UGT2A3: variants seen among roughly 807,000 people sequenced by gnomAD.
The protein encoded by UGT2A3 is UDP glucuronosyltransferase family 2 member A3.
In UGT2A3, 55 loss-of-function variants were observed where a neutral mutation model predicts 44.1. That is an observed-to-expected ratio of 1.25 (90% CI 1.00 to 1.56). The LOEUF (loss-of-function observed/expected upper bound fraction) is 1.56, where lower values mean the gene tolerates loss of function less well. Among genes scored for constraint, UGT2A3 ranks in the 40% most tolerant of loss-of-function variants. The pLI, the probability that UGT2A3 is intolerant of heterozygous loss-of-function variation, is 0.00. For missense variants in UGT2A3, 733 were observed against 621.6 expected (o/e 1.18, Z -1.91); for synonymous variants, 243 against 215.1 (o/e 1.13, Z -1.13).
At position 68,930,011 on chromosome 4, in the gene UGT2A3, G is replaced by T. The variant is rs755442651; in HGVS notation, c.1386C>A (p.Ile462=). Residue 462 remains isoleucine (I), a synonymous_variant, in exon 6 of 6, where the codon ATC becomes ATA. Coordinates refer to ENST00000251566, the MANE Select transcript of UGT2A3 (RefSeq NM_024743.4). ...CTCCTTTGTGGCGCATGACAAACTC[G>T]ATCCAGAAGACTGCTCGATCTAGGG... ...VKPLDRAVFW[I]EFVMRHKGAK... 6.2e-7 allele frequency: 1 copy of T among 1,613,596 alleles called. No homozygotes were observed. The highest frequency in any genetic ancestry group is 8.5e-7 in the Non-Finnish European group (1 of 1,179,672).
chr4:68,947,676 A>G (rs1272404204), intron 1 of UGT2A3, among the ~76,000 whole-genome samples: 3 of 151,852 alleles, frequency 2.0e-5, no homozygotes, highest in African/African-American at 7.2e-5. Flanking sequence ...TATTTCTTAC[A>G]TAAGACTTGA....
chr4:68,946,987 T>C (rs1239097585), intron 1 of UGT2A3, among the ~76,000 whole-genome samples: 2 of 151,708 alleles, frequency 1.3e-5, no homozygotes, highest in Admixed American at 6.6e-5. Context: ...GTTTTTTATT[T>C]TTATTTTTTC....
Position 68,929,899 on chromosome 4 carries a change from C to A in UGT2A3, c.1498G>T (p.Ala500Ser), listed in dbSNP as rs1389952676. Residue 500 changes from alanine (A) to serine (S), a missense_variant, in exon 6 of 6, where the codon GCA becomes TCA. Coordinates refer to ENST00000251566, the MANE Select transcript of UGT2A3 (RefSeq NM_024743.4). ...TTTGTGAACAAGAATATAGCAGTTG[C>A]CACACAGGCCAGCAGGAACCCAATC... The part of the protein sequence containing the change: ...DVIGFLLACV[A>S]TAIFLFTKCF... The A allele has an allele frequency of 8.7e-6, 14 of 1,613,130 alleles. No homozygotes were observed. Among genetic ancestry groups the A allele is most frequent in the Non-Finnish European group, 1.2e-5 (14 of 1,179,402 alleles).
Position 68,931,176 on chromosome 4 carries a change from T to C in UGT2A3, c.1063A>G (p.Ile355Val). ...CTACCAAGAAGATCATTCTGGGGTATCCAATCATACAGCCGAGTATTGGCT... is the reference window on the plus strand; with the variant it reads ...CTACCAAGAAGATCATTCTGGGGTACCCAATCATACAGCCGAGTATTGGCT... ...LGANTRLYDW[I>V]PQNDLLGHPK... The change falls in exon 4 of 6, where the codon ATA (isoleucine) becomes GTA (valine). Residue 355 changes from isoleucine to valine, a missense_variant. By Grantham distance (29) the Ile-to-Val change is conservative. Coordinates refer to ENST00000251566, the MANE Select transcript of UGT2A3 (RefSeq NM_024743.4). 1 of 1,612,974 alleles carries C rather than the reference T, an allele frequency of 6.2e-7. No individual in the cohort carries two copies. The highest frequency in any genetic ancestry group is 1.7e-5 in the Admixed American group (1 of 59,880).
intron 2 of UGT2A3, among the ~76,000 whole-genome samples, chr4:68,940,907 A>C (rs992297261): frequency 1.3e-5 from 2 of 151,610 alleles, no homozygotes; most frequent in African/African-American, 4.8e-5. Context: ...TTATGCATTT[A>C]CTGCTGCCAT....
intron 1 of UGT2A3, among the ~76,000 whole-genome samples, chr4:68,946,723 C>A (rs921525999): frequency 6.6e-6 from 1 of 151,584 alleles, no homozygotes; most frequent in Non-Finnish European, 1.5e-5. Flanking sequence ...AATAATTTCA[C>A]ATCTTATTTG....
chr4:68,929,982 T>C lies in UGT2A3; in HGVS notation c.1415A>G (p.Lys472Arg). The C allele has an allele frequency of 1.2e-6, 2 of 1,613,664 alleles. No homozygotes were observed. Among genetic ancestry groups the C allele is most frequent in the Non-Finnish European group, 1.7e-6 (2 of 1,179,674 alleles). ...GTCATGGGCAGCTGATCGCAGGTGC[T>C]TGGCTCCTTTGTGGCGCATGACAAA... ...IEFVMRHKGA[K>R]HLRSAAHDLT... Residue 472 changes from lysine (K) to arginine (R), a missense_variant, in exon 6 of 6, where the codon AAG becomes AGG. Transcript: ENST00000251566.
rs533484439 is a variant in UGT2A3 at position 68,929,685 on chromosome 4, T to G, written c.*128A>C. On this transcript the variant is annotated 3_prime_UTR_variant, in exon 6 of 6. Coordinates refer to ENST00000251566, the MANE Select transcript of UGT2A3 (RefSeq NM_024743.4). Reference sequence around the variant, plus strand: ...TACTCACAACCTCATGATCGTGGAATTCTAGGCTATATAGCTAAGATAAAA... The same window carrying G: ...TACTCACAACCTCATGATCGTGGAAGTCTAGGCTATATAGCTAAGATAAAA... The G allele has an allele frequency of 3.3e-4, 287 of 875,040 alleles. 2 individuals carry two copies. The highest frequency in any genetic ancestry group is 2.9e-3 in the Middle Eastern group (8 of 2,732). The allele number at this position is 875,040 out of a possible 1,614,324, so 54.2% of individuals were successfully genotyped here.
chr4:68,939,047 G>C (rs555207877), intron 2 of UGT2A3, among the ~76,000 whole-genome samples: 1 of 152,216 alleles, frequency 6.6e-6, no homozygotes, highest in South Asian at 2.1e-4. Flanking sequence ...TGAAATAAAA[G>C]AGGACACAAA....
At chr4:68,932,023 T>C (rs980006298) in intron 3 of UGT2A3, among the ~76,000 whole-genome samples, 2 of 152,016 alleles carry the variant, frequency 1.3e-5, no homozygotes, top group African/African-American at 4.8e-5. Flanking sequence ...GGATAGTTTA[T>C]ATATAGCACT....
chr4:68,948,512 C>T (rs1047011447), intron 1 of UGT2A3, among the ~76,000 whole-genome samples: 4 of 133,314 alleles, frequency 3.0e-5, no homozygotes, highest in African/African-American at 1.2e-4. Flanking sequence ...GCAATCATAG[C>T]TCACTGCAGC....
intron 2 of UGT2A3, among the ~76,000 whole-genome samples, chr4:68,934,845 C>A (rs187338358): frequency 2.0e-5 from 3 of 151,128 alleles, no homozygotes; most frequent in Non-Finnish European, 4.4e-5. Flanking sequence ...CTCCAGTATG[C>A]GTAACAAAGT....
Position 68,938,380 on chromosome 4 carries a change from C to T in UGT2A3, c.865-5621G>A, listed in dbSNP as rs113133708. Among the ~76,000 whole-genome samples, 335 of 151,956 alleles carry T rather than the reference C, an allele frequency of 2.2e-3. 1 individual carries two copies. The highest frequency in any genetic ancestry group is 3.7e-3 in the Non-Finnish European group (249 of 67,870). On this transcript the variant is annotated intron_variant, in intron 2 of 5. Coordinates refer to ENST00000251566, the MANE Select transcript of UGT2A3 (RefSeq NM_024743.4). The stretch of plus-strand genomic sequence containing the variant: ...ACCATGATCAAGTTGGCTTCATCCC[C>T]GGAGGCAAGTCTGGTTCAACATCCA...
rs371474022 is a variant in UGT2A3, at chr4:68,941,558, A to T, written c.864+3748T>A. 1.4e-4 allele frequency among the ~76,000 whole-genome samples: 22 copies of T among 152,066 alleles called. No homozygotes were observed. In the East Asian group the frequency reaches 4.1e-3, roughly 28 times the overall value. On this transcript the variant is annotated intron_variant, in intron 2 of 5. Transcript: ENST00000251566. ...ACTAGAAGAAACTGTAGGAGGAATG[A>T]TTTGTGACATTGGTCTAGGCAAGGA... is the stretch of plus-strand genomic sequence containing the variant.
At chr4:68,934,624 C>A (rs112885380) in intron 2 of UGT2A3, among the ~76,000 whole-genome samples, 93 of 152,044 alleles carry the variant, frequency 6.1e-4, no homozygotes, top group African/African-American at 2.2e-3. Flanking sequence ...ATAAACCCAG[C>A]ATTTTCAGAG....
At chr4:68,938,143 A>G (rs1361839456) in intron 2 of UGT2A3, among the ~76,000 whole-genome samples, 1 of 152,144 alleles carries the variant, frequency 6.6e-6, no homozygotes, top group African/African-American at 2.4e-5. Context: ...AGGAGCTGGT[A>G]CCATTCCTTC....
At chr4:68,942,518 T>TACATATAC (rs1446842150) in intron 2 of UGT2A3, among the ~76,000 whole-genome samples, 1 of 21,400 alleles carries the variant, frequency 4.7e-5, no homozygotes, top group East Asian at 1.2e-3. Flanking sequence ...TATATATATA[T>TACATATAC]ATATATATAT....
chr4:68,934,163 T>A (rs1717849364), intron 2 of UGT2A3, among the ~76,000 whole-genome samples: 1 of 151,956 alleles, frequency 6.6e-6, no homozygotes, highest in Non-Finnish European at 1.5e-5. Context: ...ATAATCTCTT[T>A]GACAAGTTCA....
At chr4:68,933,447 A>C (rs1256837905) in intron 2 of UGT2A3, among the ~76,000 whole-genome samples, 1 of 151,988 alleles carries the variant, frequency 6.6e-6, no homozygotes, top group African/African-American at 2.4e-5. Flanking sequence ...ATCCCACAGG[A>C]GGTATTAGGA....
Sources: gnomAD v4.1 joint callset for allele counts (sites outside exome capture counted in the v4.1 genomes callset) on GRCh38, gnomAD v4.1.1 for gene constraint, MANE v1.5 for transcripts, NCBI Gene and HGNC (gene_info 2026-07-23, HGNC 2026-07-21) for gene names.